NFIB: variants seen among roughly 807,000 people sequenced by gnomAD.
NFIB encodes nuclear factor 1 B-type.
Under a neutral mutation model 61.5 loss-of-function variants are expected in NFIB, and 11 were observed. The observed-to-expected ratio is 0.18, with a 90% CI of 0.11 to 0.30. The LOEUF (loss-of-function observed/expected upper bound fraction) is 0.30. NFIB is among the 10% of genes least tolerant of loss of function. The probability of loss-of-function intolerance (pLI) is 1.00; values close to 1 mark genes in which losing one functional copy is unlikely to be tolerated. For missense variants in NFIB, 471 were observed against 608.9 expected (o/e 0.77, Z 2.38); for synonymous variants, 260 against 216.5 (o/e 1.20, Z -1.76).
At chr9:14,259,260 GA>G (rs35617085) in intron 2 of NFIB, among the ~76,000 whole-genome samples, 3 of 152,208 alleles carry the variant, frequency 2.0e-5, no homozygotes, top group Non-Finnish European at 4.4e-5. Context: ...AAGAGAAAGT[GA>G]AAAGGCCTAA....
At chr9:14,454,792 C>G in the NFIB span, among the ~76,000 whole-genome samples, 2 of 152,184 alleles carry the variant, frequency 1.3e-5, no homozygotes. Context: ...ACATGCCTTG[C>G]TTTGACCAAT....
chr9:14,440,052 T>C, the NFIB span, among the ~76,000 whole-genome samples: 1 of 152,158 alleles, frequency 6.6e-6, no homozygotes, highest in East Asian at 1.9e-4. Context: ...GATCCAGGCA[T>C]TTGGCTCACC....
At chr9:14,146,638 A>G (rs540628739) in intron 6 of NFIB, 51 bp downstream of exon 6, 12 of 1,611,760 alleles carry the variant, frequency 7.4e-6, no homozygotes, top group Admixed American at 3.3e-5. Context: ...AACTTAAGAA[A>G]CGAGCCAACA....
the NFIB span, among the ~76,000 whole-genome samples, chr9:14,441,141 A>G: frequency 6.6e-6 from 1 of 151,756 alleles, no homozygotes; most frequent in Non-Finnish European, 1.5e-5. Context: ...GTTCAAAAAA[A>G]AAAAAAAAAA....
intron 2 of NFIB, among the ~76,000 whole-genome samples, chr9:14,258,043 G>A (rs2056395335): frequency 6.6e-6 from 1 of 152,176 alleles, no homozygotes; most frequent in Non-Finnish European, 1.5e-5. Context: ...GGCTGTAGCT[G>A]TTGTGGTGGT....
the NFIB span, among the ~76,000 whole-genome samples, chr9:14,481,199 A>ATG: frequency 1.6e-4 from 3 of 18,264 alleles, no homozygotes; most frequent in East Asian, 4.1e-3. Context: ...GTGTGTGTGT[A>ATG]TATATATATA....
At chr9:14,090,410 A>C (rs986901695) in intron 10 of NFIB, among the ~76,000 whole-genome samples, 3 of 152,118 alleles carry the variant, frequency 2.0e-5, no homozygotes, top group Non-Finnish European at 2.9e-5. Flanking sequence ...ATAATGAATC[A>C]TGAAACTTAT....
Position 14,331,159 on chromosome 9 carries a change from C to T in NFIB, c.109-23639G>A, listed in dbSNP as rs1185452222. On this transcript the variant is annotated intron_variant, in intron 1 of 8. Coordinates refer to the NFIB transcript ENST00000380934. Reference sequence around the variant, plus strand: ...ATAATTACTATTTACTGAGGTCTCACTATGCTTCCGCCCTGTGCTCAGTAC... The same window carrying T: ...ATAATTACTATTTACTGAGGTCTCATTATGCTTCCGCCCTGTGCTCAGTAC... Among the ~76,000 whole-genome samples, 51 of 152,198 alleles carry T rather than the reference C, an allele frequency of 3.4e-4. 1 individual carries two copies. The highest frequency in any genetic ancestry group is 8.8e-5 in the Non-Finnish European group (6 of 68,044).
chr9:14,343,648 G>A (rs914759517), intron 1 of NFIB, among the ~76,000 whole-genome samples: 1 of 152,146 alleles, frequency 6.6e-6, no homozygotes, highest in Non-Finnish European at 1.5e-5. Context: ...CCAGGCAAAA[G>A]TGTGTACAGT....
chr9:14,302,690 CTCTT>C (rs1324299302), intron 2 of NFIB, among the ~76,000 whole-genome samples: 1 of 152,138 alleles, frequency 6.6e-6, no homozygotes, highest in African/African-American at 2.4e-5. Flanking sequence ...TGTGACCTCT[CTCTT>C]CAAAACGCTT....
upstream of NFIB, chr9:14,314,266 G>T: frequency 1.7e-6 from 1 of 600,024 alleles, no homozygotes; most frequent in Non-Finnish European, 2.1e-6. Context: ...AGAGGCTCGC[G>T]GCGCGTGGTC....
At chr9:14,461,610 C>T in the NFIB span, among the ~76,000 whole-genome samples, 1 of 152,206 alleles carries the variant, frequency 6.6e-6, no homozygotes, top group African/African-American at 2.4e-5. Context: ...CACAGGAAAC[C>T]AAATGCCATG....
chr9:14,504,382 G>T, the NFIB span, among the ~76,000 whole-genome samples: 1 of 152,152 alleles, frequency 6.6e-6, no homozygotes, highest in South Asian at 2.1e-4. Flanking sequence ...GTGGTGCTTT[G>T]ATGGGAATTG....
At chr9:14,522,470 A>G in the NFIB span, among the ~76,000 whole-genome samples, 1 of 151,980 alleles carries the variant, frequency 6.6e-6, no homozygotes, top group East Asian at 1.9e-4. Context: ...ATGTATGGAT[A>G]AAAAAAAGCA....
At chr9:14,455,958 T>C in the NFIB span, among the ~76,000 whole-genome samples, 14 of 152,112 alleles carry the variant, frequency 9.2e-5, no homozygotes, top group African/African-American at 3.4e-4. Flanking sequence ...TTCGGAAAAT[T>C]AGTGTCAAGA....
At chr9:14,101,979 A>G (rs2035852364) in intron 10 of NFIB, among the ~76,000 whole-genome samples, 1 of 152,140 alleles carries the variant, frequency 6.6e-6, no homozygotes, top group African/African-American at 2.4e-5. Context: ...TCCCTACAAC[A>G]GGGGAAAAAA....
chr9:14,359,088 C>T (rs777431859), intron 1 of NFIB, among the ~76,000 whole-genome samples: 4 of 152,102 alleles, frequency 2.6e-5, no homozygotes, highest in East Asian at 3.9e-4. Context: ...ATGGTAGCAG[C>T]GTTTACACTA....
the NFIB span, among the ~76,000 whole-genome samples, chr9:14,446,894 AG>A: frequency 6.6e-6 from 1 of 152,116 alleles, no homozygotes; most frequent in East Asian, 1.9e-4. Flanking sequence ...ATTTTTTCTT[AG>A]AAAAATTTTC....
At position 14,149,082 on chromosome 9, in the gene NFIB, CT is replaced by C. The variant is rs1450786697; in HGVS notation, c.806+1062del. Among the ~76,000 whole-genome samples, 3 of 152,164 alleles carry C rather than the reference CT, an allele frequency of 2.0e-5. No homozygotes were observed. In the East Asian group the frequency reaches 5.8e-4, roughly 29 times the overall value. ...TTTAGCAGACAGAATTTAAAAATTACTGCTCACATTTTAAATTTAGAAAAAT... is the reference window on the plus strand; with the variant it reads ...TTTAGCAGACAGAATTTAAAAATTACGCTCACATTTTAAATTTAGAAAAAT... On this transcript the variant is annotated intron_variant, in intron 5 of 10. Coordinates refer to ENST00000380953, the MANE Select transcript of NFIB (RefSeq NM_001190737.2).
Sources: gnomAD v4.1 joint callset for allele counts (sites outside exome capture counted in the v4.1 genomes callset) on GRCh38, gnomAD v4.1.1 for gene constraint, MANE v1.5 for transcripts, NCBI Gene and HGNC (gene_info 2026-07-23, HGNC 2026-07-21) for gene names.